The following HSPA12A variants were observed in gnomAD, a reference collection of about 807,000 sequenced individuals.
HSPA12A encodes heat shock 70 kDa protein 12A.
HSPA12A carries 28 observed loss-of-function variants against 69.2 expected under a neutral mutation model. The ratio of observed to expected loss-of-function variants is 0.40; its 90% CI spans 0.30 to 0.55. HSPA12A has a LOEUF of 0.55. Among genes scored for constraint, HSPA12A ranks in the 20% least tolerant of loss-of-function variants. The pLI is 0.38. For synonymous variants in HSPA12A, 345 were observed against 370.5 expected (o/e 0.93, Z 0.79); for missense variants, 686 against 900.7 (o/e 0.76, Z 3.05).
intron 1 of HSPA12A, among the ~76,000 whole-genome samples, chr10:116,721,952 T>C (rs1419064012): frequency 1.3e-5 from 2 of 152,170 alleles, no homozygotes; most frequent in Non-Finnish European, 1.5e-5. Context: ...CTGCAGTCCT[T>C]GGGTCTGGGG....
intron 1 of HSPA12A, among the ~76,000 whole-genome samples, chr10:116,717,549 A>G (rs1554883922): frequency 6.6e-6 from 1 of 152,184 alleles, no homozygotes; most frequent in African/African-American, 2.4e-5. Flanking sequence ...GGAAAGCCTG[A>G]GCTCAAATCC....
chr10:116,708,530 C>T (rs1850329084), intron 1 of HSPA12A, among the ~76,000 whole-genome samples: 1 of 152,086 alleles, frequency 6.6e-6, no homozygotes, highest in Admixed American at 6.6e-5. Context: ...AGCATCATTA[C>T]AGTGGGCACC....
intron 2 of HSPA12A, among the ~76,000 whole-genome samples, chr10:116,749,272 T>C (rs1426780623): frequency 2.0e-5 from 3 of 152,226 alleles, no homozygotes; most frequent in Non-Finnish European, 4.4e-5. Context: ...CTTGCTGGGC[T>C]CTTCCTACCA....
chr10:116,737,043 A>T (rs2133059257), intron 1 of HSPA12A, among the ~76,000 whole-genome samples: 1 of 152,316 alleles, frequency 6.6e-6, no homozygotes, highest in Admixed American at 6.5e-5. Flanking sequence ...TTTCATATAA[A>T]AACTCATTTA....
At chr10:116,736,304 C>T (rs1323205511) in intron 1 of HSPA12A, among the ~76,000 whole-genome samples, 1 of 152,090 alleles carries the variant, frequency 6.6e-6, no homozygotes, top group Non-Finnish European at 1.5e-5. Context: ...GCAGCAGGTG[C>T]ACGAGGAACC....
At chr10:116,850,120 T>A, upstream of HSPA12A, 1 of 312,094 alleles carries the variant, frequency 3.2e-6, no homozygotes, top group Non-Finnish European at 6.2e-6. Context: ...CTCACCGACC[T>A]TAAGCAGCTC....
At position 116,761,302 on chromosome 10, in the gene HSPA12A, A is replaced by G. The variant is rs367715920; in HGVS notation, c.92-54017T>C. 5.3e-4 allele frequency among the ~76,000 whole-genome samples: 81 copies of G among 152,254 alleles called. 4 individuals are homozygous for G. The East Asian group carries it at 0.011, about 21-fold the overall frequency. On this transcript the variant is annotated intron_variant, in intron 2 of 12. Coordinates refer to the HSPA12A transcript ENST00000635765. The stretch of plus-strand genomic sequence containing the variant: ...GGAGTTCGAGGCCAGACTGGGCAAC[A>G]TGGTGAAACACCGTCTCTACTAAAA...
chr10:116,769,549 A>C (rs547896141), intron 2 of HSPA12A, among the ~76,000 whole-genome samples: 1 of 152,160 alleles, frequency 6.6e-6, no homozygotes, highest in Admixed American at 6.5e-5. Context: ...TCTCAATTTT[A>C]CTGGAATGAT....
rs115609970 is a variant in HSPA12A at position 116,818,791 on chromosome 10, C to T, written c.91+16144G>A. On this transcript the variant is annotated intron_variant, in intron 2 of 12. Transcript: ENST00000635765. ...GATCCCTAAATCATGGTTCTGTTTC[C>T]ATCAGTGAGTGTAAAAATCAAAATC... is the stretch of plus-strand genomic sequence containing the variant. 6.0e-3 allele frequency among the ~76,000 whole-genome samples: 909 copies of T among 152,206 alleles called. 7 individuals are homozygous for T. Among genetic ancestry groups the T allele is most frequent in the African/African-American group, 0.021 (874 of 41,524 alleles).
chr10:116,686,090 C>T lies in HSPA12A; in HGVS notation c.664-2128G>A, dbSNP rs782168473. On this transcript the variant is annotated intron_variant, in intron 6 of 11. Transcript: ENST00000369209. The surrounding 1 kb of genome is among the most constrained non-coding windows in gnomAD (Gnocchi z 4.1). The stretch of plus-strand genomic sequence containing the variant: ...GTGCATGACAGGATTTCCCACTGCC[C>T]CCTATTCAAGCAAGTAAAAGTCCCC... Among the ~76,000 whole-genome samples the T allele has an allele frequency of 2.6e-5, 4 of 152,114 alleles. No homozygotes were observed. The South Asian group carries it at 6.2e-4, about 24-fold the overall frequency.
At chr10:116,792,825 G>GAAAGAA (rs566491768) in intron 2 of HSPA12A, among the ~76,000 whole-genome samples, 2,100 of 150,216 alleles carry the variant, frequency 0.014, 138 homozygotes, top group Admixed American at 0.11. Context: ...AAGAAAGAAA[G>GAAAGAA]AAAGAAAAAG....
intron 1 of HSPA12A, among the ~76,000 whole-genome samples, chr10:116,720,947 G>C (rs1850757332): frequency 2.0e-5 from 3 of 152,204 alleles, no homozygotes; most frequent in Admixed American, 2.0e-4. Context: ...GACACCCCCA[G>C]AGGCTAAATG....
chr10:116,674,811 G>T lies in HSPA12A; in HGVS notation c.1998C>A (p.Val666=). The T allele has an allele frequency of 6.2e-7, 1 of 1,609,880 alleles. No individual in the cohort carries two copies. The highest frequency in any genetic ancestry group is 8.5e-7 in the Non-Finnish European group (1 of 1,177,634). The change falls in exon 12 of 12, where the codon GTC becomes GTA. Residue 666 remains valine (V), a synonymous_variant. Coordinates refer to ENST00000369209, the MANE Select transcript of HSPA12A (RefSeq NM_025015.3). ...AATTTAAGAAGTCGATCCCAACTTT[G>T]ACACTCTTCGAAGTGGCTATATCAA... ...TAIDIATSKS[V]KVGIDFLNY is the part of the protein sequence containing the mutation.
rs550568601 is a variant in HSPA12A at position 116,679,485 on chromosome 10, G to A, written c.1286+18C>T. 5 of 1,610,026 alleles carry A rather than the reference G, an allele frequency of 3.1e-6. No homozygotes were observed. Among genetic ancestry groups the A allele is most frequent in the East Asian group, 2.2e-5 (1 of 44,810 alleles). Reference sequence around the variant, plus strand: ...CCCGCTAGAATGTCCAGAGCCCGAGGTGATGAGCCCAACTCACTTGCTTTT... The same window carrying A: ...CCCGCTAGAATGTCCAGAGCCCGAGATGATGAGCCCAACTCACTTGCTTTT... On this transcript the variant is annotated intron_variant, in intron 10 of 11. Coordinates refer to ENST00000369209, the MANE Select transcript of HSPA12A (RefSeq NM_025015.3).
At chr10:116,834,306 T>C (rs1414158801) in intron 2 of HSPA12A, among the ~76,000 whole-genome samples, 2 of 152,130 alleles carry the variant, frequency 1.3e-5, no homozygotes, top group African/African-American at 4.8e-5. Flanking sequence ...TTTAACATCA[T>C]TAGTTAACAT....
intron 1 of HSPA12A, among the ~76,000 whole-genome samples, chr10:116,840,973 T>C (rs2133222172): frequency 6.6e-6 from 1 of 152,262 alleles, no homozygotes; most frequent in South Asian, 2.1e-4. Flanking sequence ...GTAAAGGCAG[T>C]GGAATAGAGT....
intron 6 of HSPA12A, among the ~76,000 whole-genome samples, chr10:116,685,389 C>T (rs1849549695): frequency 1.3e-5 from 2 of 151,890 alleles, no homozygotes; most frequent in South Asian, 4.1e-4. Context: ...AATCCCAGCA[C>T]TTTGGGAGGC....
chr10:116,704,069 C>G (rs1850160469), intron 3 of HSPA12A, among the ~76,000 whole-genome samples: 1 of 152,166 alleles, frequency 6.6e-6, no homozygotes, highest in Non-Finnish European at 1.5e-5. Flanking sequence ...CCTCAGGGAT[C>G]TAGAACTAGA....
chr10:116,694,859 G>A (rs1331857390), intron 5 of HSPA12A, among the ~76,000 whole-genome samples: 2 of 152,078 alleles, frequency 1.3e-5, no homozygotes, highest in Non-Finnish European at 2.9e-5. Flanking sequence ...GAACAAAGGG[G>A]CTGACCCCTT....
Sources: gnomAD v4.1 joint callset for allele counts (sites outside exome capture counted in the v4.1 genomes callset) on GRCh38, gnomAD v4.1.1 for gene constraint, Gnocchi (gnomAD v3.1) non-coding constraint, MANE v1.5 for transcripts, NCBI Gene and HGNC (gene_info 2026-07-23, HGNC 2026-07-21) for gene names.